The following PCDHGB2 variants were observed in gnomAD, a reference collection of about 807,000 sequenced individuals.
PCDHGB2 encodes the protein protocadherin gamma-B2.
In PCDHGB2, 55 loss-of-function variants were observed where a neutral mutation model predicts 59.3. The observed-to-expected ratio is 0.93, with a 90% CI of 0.75 to 1.16. The LOEUF (loss-of-function observed/expected upper bound fraction) is 1.16. Ranked by LOEUF, PCDHGB2 falls within the 50% of genes most tolerant of loss-of-function variation. PCDHGB2 has a pLI of 0.00. For synonymous variants in PCDHGB2, 516 were observed against 512.0 expected, an observed-to-expected ratio of 1.01 and a Z score of -0.11; for missense variants, 1,228 against 1,198.5, an observed-to-expected ratio of 1.02 and a Z score of -0.36.
At chr5:141,454,000 T>C (rs1048921374) in intron 1 of PCDHGB2, among the ~76,000 whole-genome samples, 2 of 152,214 alleles carry the variant, frequency 1.3e-5, no homozygotes, top group African/African-American at 4.8e-5. Flanking sequence ...TAAACCCACA[T>C]AACATTTTAG....
At chr5:141,439,741 A>C (rs1303886454) in intron 1 of PCDHGB2, 1 of 152,352 alleles carries the variant, frequency 6.6e-6, no homozygotes, top group African/African-American at 2.4e-5. Flanking sequence ...AACGGAACGG[A>C]TTTACAGGCA....
At chr5:141,461,251 A>G (rs925406409) in intron 1 of PCDHGB2, among the ~76,000 whole-genome samples, 1 of 152,156 alleles carries the variant, frequency 6.6e-6, no homozygotes, top group Non-Finnish European at 1.5e-5. Flanking sequence ...TTATATTCCC[A>G]GCAGCAATGT....
At chr5:141,421,699 G>T (rs751572007) in intron 1 of PCDHGB2, 1 of 1,613,928 alleles carries the variant, frequency 6.2e-7, no homozygotes, top group Admixed American at 1.7e-5. Flanking sequence ...TCTTCCTAAT[G>T]CTAGGGATCC....
chr5:141,399,998 C>T (rs753846360), intron 1 of PCDHGB2: 37 of 1,612,212 alleles, frequency 2.3e-5, no homozygotes, highest in Non-Finnish European at 2.7e-5. Context: ...GAGGTGCGCA[C>T]AGCGCGTGCC....
At chr5:141,502,866 C>CTTT (rs549047197) in intron 2 of PCDHGB2, among the ~76,000 whole-genome samples, 3 of 128,046 alleles carry the variant, frequency 2.3e-5, no homozygotes, top group African/African-American at 9.3e-5. Context: ...GACTCTCTGT[C>CTTT]TTTTTTTTTT....
intron 1 of PCDHGB2, chr5:141,367,611 T>G (rs868477052): frequency 6.6e-6 from 1 of 152,038 alleles, no homozygotes; most frequent in Non-Finnish European, 1.5e-5. Flanking sequence ...AATGATAACA[T>G]GTAGCATTCT....
rs148995268 is a variant in PCDHGB2, at chr5:141,486,253, C to T, written c.2422-8554C>T. On this transcript the variant is annotated intron_variant, in intron 1 of 3. Coordinates refer to ENST00000522605, the MANE Select transcript of PCDHGB2 (RefSeq NM_018923.3). The surrounding 1 kb of genome is among the most constrained non-coding windows in gnomAD (Gnocchi z 5.0). The stretch of plus-strand genomic sequence containing the variant: ...TGACCTCAGAGCTTGGAACCCTCCC[C>T]GAGAGTGCAGAACCTGGCACTGTGG... 8 of 1,614,020 alleles carry T rather than the reference C, an allele frequency of 5.0e-6. No individual in the cohort carries two copies. The African/African-American group carries it at 8.0e-5, about 16-fold the overall frequency.
intron 1 of PCDHGB2, among the ~76,000 whole-genome samples, chr5:141,459,831 G>T (rs907978430): frequency 1.3e-5 from 2 of 152,150 alleles, no homozygotes; most frequent in Non-Finnish European, 2.9e-5. Context: ...CTTTTCATGT[G>T]TTGTCTATTT....
At chr5:141,395,542 T>TTGTTTGTTTG (rs1267535064) in intron 1 of PCDHGB2, 1 of 168,708 alleles carries the variant, frequency 5.9e-6, no homozygotes, top group African/African-American at 5.7e-5. Context: ...TTGCTATTGT[T>TTGTTTGTTTG]TGTGTGTGTG....
At chr5:141,463,493 G>C (rs2099061978) in intron 1 of PCDHGB2, among the ~76,000 whole-genome samples, 1 of 128,844 alleles carries the variant, frequency 7.8e-6, no homozygotes, top group Admixed American at 9.6e-5. Flanking sequence ...CTGTCACCCA[G>C]GCTGGAGTGA....
At position 141,491,681 on chromosome 5, in the gene PCDHGB2, C is replaced by T; in HGVS notation, c.2422-3126C>T. 6.2e-6 allele frequency: 10 copies of T among 1,613,458 alleles called. No homozygotes were observed. Among genetic ancestry groups the T allele is most frequent in the Non-Finnish European group, 8.5e-6 (10 of 1,179,804 alleles). On this transcript the variant is annotated intron_variant, in intron 1 of 3. Transcript: ENST00000522605. The surrounding 1 kb of genome is among the most constrained non-coding windows in gnomAD (Gnocchi z 6.9). ...GACGCCATCCGGTCCCGCTCTAATA[C>T]GCTGCGGGAGCGGAGCCAGGTGAGG...
rs1205836590 is a variant in PCDHGB2 at position 141,476,270 on chromosome 5, G to A, written c.2422-18537G>A. The A allele has an allele frequency of 6.2e-7, 1 of 1,614,088 alleles. No individual in the cohort carries two copies. Among genetic ancestry groups the A allele is most frequent in the Admixed American group, 1.7e-5 (1 of 60,026 alleles). Reference sequence around the variant, plus strand: ...GGGTTTCGCTGTGGGCAACGTGGTCGCGAACCTTGGTTTGGATCTCGGTAG... The same window carrying A: ...GGGTTTCGCTGTGGGCAACGTGGTCACGAACCTTGGTTTGGATCTCGGTAG... On this transcript the variant is annotated intron_variant, in intron 1 of 3. Transcript: ENST00000522605. The surrounding 1 kb of genome is among the most constrained non-coding windows in gnomAD (Gnocchi z 7.6).
rs369691483 is a variant in PCDHGB2 at position 141,383,272 on chromosome 5, G to A, written c.2421+20716G>A. 65 of 1,613,802 alleles carry A rather than the reference G, an allele frequency of 4.0e-5. No homozygotes were observed. Among genetic ancestry groups the A allele is most frequent in the Non-Finnish European group, 5.3e-5 (62 of 1,179,884 alleles). On this transcript the variant is annotated intron_variant, in intron 1 of 3. Transcript: ENST00000522605. The stretch of plus-strand genomic sequence containing the variant: ...TTACCCTATAGACGTGGAAATAATA[G>A]ATATTAATGACAACGTTCCAAGATT...
At chr5:141,414,241 C>T in intron 1 of PCDHGB2, 1 of 1,613,472 alleles carries the variant, frequency 6.2e-7, no homozygotes, top group Non-Finnish European at 8.5e-7. Context: ...CATCACGTCT[C>T]TATTTAGTCC....
chr5:141,472,733 C>T (rs1450872513), intron 1 of PCDHGB2, among the ~76,000 whole-genome samples: 2 of 151,996 alleles, frequency 1.3e-5, no homozygotes, highest in Non-Finnish European at 2.9e-5. Context: ...CACCTGTAAT[C>T]CCAGCACTTT....
chr5:141,428,201 CT>C (rs1332694675), intron 1 of PCDHGB2: 1 of 1,349,696 alleles, frequency 7.4e-7, no homozygotes, highest in South Asian at 1.2e-5. Context: ...CTCTGCGCCG[CT>C]ACGCTTCACC....
chr5:141,385,264 G>T (rs879420336), intron 1 of PCDHGB2: 21 of 1,613,712 alleles, frequency 1.3e-5, no homozygotes, highest in Non-Finnish European at 1.6e-5. Flanking sequence ...TGAGAAAAAT[G>T]ATTCTTTGCT....
At chr5:141,371,108 C>T (rs754711722) in intron 1 of PCDHGB2, 1 of 1,613,760 alleles carries the variant, frequency 6.2e-7, no homozygotes, top group African/African-American at 1.3e-5. Context: ...CAAATGATAA[C>T]CCCCCAGTAT....
At position 141,485,541 on chromosome 5, in the gene PCDHGB2, T is replaced by A; in HGVS notation, c.2422-9266T>A. 2 of 1,613,902 alleles carry A rather than the reference T, an allele frequency of 1.2e-6. No homozygotes were observed. Among genetic ancestry groups the A allele is most frequent in the Non-Finnish European group, 1.7e-6 (2 of 1,179,958 alleles). ...GAAATGTACCGAGCAGAGGTAGAGATCGTAGATGTGAATGATCACGCCCCC... is the reference window on the plus strand; with the variant it reads ...GAAATGTACCGAGCAGAGGTAGAGAACGTAGATGTGAATGATCACGCCCCC... On this transcript the variant is annotated intron_variant, in intron 1 of 3. Coordinates refer to ENST00000522605, the MANE Select transcript of PCDHGB2 (RefSeq NM_018923.3). The surrounding 1 kb of genome is among the most constrained non-coding windows in gnomAD (Gnocchi z 5.7).
Sources: allele counts gnomAD v4.1 joint callset (sites outside exome capture counted in the v4.1 genomes callset), GRCh38; gene constraint gnomAD v4.1.1; non-coding constraint Gnocchi (gnomAD v3.1); transcripts MANE v1.5; gene names NCBI Gene and HGNC (gene_info 2026-07-23, HGNC 2026-07-21).